Variants in AGO2 observed in about 807,000 individuals in gnomAD.
AGO2 encodes the protein argonaute RISC catalytic component 2.
Under a neutral mutation model 102.3 loss-of-function variants are expected in AGO2, and 5 were observed. That is an observed-to-expected ratio of 0.05 (90% confidence interval 0.03 to 0.10). The LOEUF is 0.10. Ranked by LOEUF, AGO2 falls within the 10% of genes least tolerant of loss-of-function variation. The pLI, the probability that AGO2 is intolerant of heterozygous loss-of-function variation, is 1.00. For synonymous variants in AGO2, 449 were observed against 473.1 expected, an observed-to-expected ratio of 0.95 and a Z score of 0.66; for missense variants, 541 against 1,183.7, an observed-to-expected ratio of 0.46 and a Z score of 7.97.
At position 140,525,401 on chromosome 8, in the gene AGO2, T is replaced by C. The variant is rs1009027197; in HGVS notation, c.*6643A>G. The C allele has an allele frequency of 6.6e-6, 1 of 152,302 alleles. No individual in the cohort carries two copies. The highest frequency in any genetic ancestry group is 1.5e-5 in the Non-Finnish European group (1 of 68,132). 9.4% of individuals were successfully genotyped at this position (152,302 alleles called of 1,614,324 possible). A position where few individuals can be genotyped will look rare whatever the true frequency, so the allele number is the denominator to read the frequency against. ...CAGCCCAGCGGACCCAAGCAGCCTGTACCCTGGGCCGGCAGGCAGTGGGAC... is the reference window on the plus strand; with the variant it reads ...CAGCCCAGCGGACCCAAGCAGCCTGCACCCTGGGCCGGCAGGCAGTGGGAC... On this transcript the variant is annotated 3_prime_UTR_variant, in exon 19 of 19. Coordinates refer to ENST00000220592, the MANE Select transcript of AGO2 (RefSeq NM_012154.5).
At chr8:140,553,330 G>A (rs1457978563) in intron 10 of AGO2, among the ~76,000 whole-genome samples, 5 of 152,102 alleles carry the variant, frequency 3.3e-5, no homozygotes, top group Non-Finnish European at 7.4e-5. Flanking sequence ...GCTGTAGTGA[G>A]CTATGACCGC....
At chr8:140,559,712 G>A (rs2073164940) in intron 5 of AGO2, among the ~76,000 whole-genome samples, 183 bp from the exon 6 acceptor site, 1 of 152,316 alleles carries the variant, frequency 6.6e-6, no homozygotes, top group African/African-American at 2.4e-5. Context: ...ACAAGCCCAG[G>A]CCCTAGCTGC....
chr8:140,625,507 G>C (rs6578126), intron 1 of AGO2, among the ~76,000 whole-genome samples: 1 of 151,842 alleles, frequency 6.6e-6, no homozygotes, highest in Non-Finnish European at 1.5e-5. Context: ...TTCATCCCTC[G>C]TATCCAGGGG....
At chr8:140,532,695 A>G (rs1286543584) in intron 17 of AGO2, 80 bp from the exon 18 acceptor site, 6 of 1,412,348 alleles carry the variant, frequency 4.2e-6, no homozygotes, top group South Asian at 1.2e-5. Context: ...TTATATTTGT[A>G]TTATTAAAAA....
At position 140,526,010 on chromosome 8, in the gene AGO2, A is replaced by G. The variant is rs2072498827; in HGVS notation, c.*6034T>C. 1 of 152,160 alleles carries G rather than the reference A, an allele frequency of 6.6e-6. No homozygotes were observed. The highest frequency in any genetic ancestry group is 1.5e-5 in the Non-Finnish European group (1 of 68,026). 9.4% of individuals were successfully genotyped at this position (152,160 alleles called of 1,614,324 possible). A position where few individuals can be genotyped will look rare whatever the true frequency, so the allele number is the denominator to read the frequency against. On this transcript the variant is annotated 3_prime_UTR_variant, in exon 19 of 19. Transcript: ENST00000220592. The surrounding 1 kb of genome is among the most constrained non-coding windows in gnomAD (Gnocchi z 5.2). ...GTTCTTTTCAAACAAAGGGCCCTGGATTTGAACAGAATGCTTTGCTTTCAA... is the reference window on the plus strand; with the variant it reads ...GTTCTTTTCAAACAAAGGGCCCTGGGTTTGAACAGAATGCTTTGCTTTCAA...
chr8:140,525,074 A>C lies in AGO2; in HGVS notation c.*6970T>G, dbSNP rs148611932. On this transcript the variant is annotated 3_prime_UTR_variant, in exon 19 of 19. Coordinates refer to ENST00000220592, the MANE Select transcript of AGO2 (RefSeq NM_012154.5). The stretch of plus-strand genomic sequence containing the variant: ...GGGCTGGGGGCTGAGGTGAGGACTT[A>C]ACCCTTTAATCATACCACCCACAGC... 3.2e-4 allele frequency: 49 copies of C among 152,346 alleles called. No individual in the cohort carries two copies. The highest frequency in any genetic ancestry group is 1.1e-3 in the African/African-American group (46 of 41,580). The allele number at this position is 152,346 out of a possible 1,614,324, so 9.4% of individuals were successfully genotyped here. A position where few individuals can be genotyped will look rare whatever the true frequency, so the allele number is the denominator to read the frequency against.
At chr8:140,564,308 G>A (rs1014011607) in intron 3 of AGO2, among the ~76,000 whole-genome samples, 2 of 147,950 alleles carry the variant, frequency 1.4e-5, no homozygotes, top group African/African-American at 2.5e-5. Flanking sequence ...GTGGGGGGAC[G>A]CAATCAAGGC....
chr8:140,562,709 G>A, intron 3 of AGO2, 75 bp from the exon 4 acceptor site: 1 of 1,539,094 alleles, frequency 6.5e-7, no homozygotes, highest in Non-Finnish European at 8.8e-7. Context: ...GCAGTGGTTG[G>A]CTTCCAGACA....
chr8:140,624,613 G>C (rs1243192029), intron 1 of AGO2, among the ~76,000 whole-genome samples: 1 of 152,252 alleles, frequency 6.6e-6, no homozygotes, highest in East Asian at 1.9e-4. Context: ...GGAGGCTCTG[G>C]TCCTCGCATT....
rs529153641 is a variant in AGO2, at chr8:140,627,203, A to G, written c.22+8282T>C. ...GGTCCCACGGGAGGATCCTTTCACT[A>G]TCAAAGCCAAAAAGAAACAGGGCAA... On this transcript the variant is annotated intron_variant, in intron 1 of 18. Transcript: ENST00000220592. 4.9e-4 allele frequency among the ~76,000 whole-genome samples: 75 copies of G among 152,340 alleles called. No individual in the cohort carries two copies. The South Asian group carries it at 0.014, about 29-fold the overall frequency.
chr8:140,591,732 A>T (rs2073749837), intron 1 of AGO2: 1 of 152,260 alleles, frequency 6.6e-6, no homozygotes, highest in African/African-American at 2.4e-5. Flanking sequence ...TTTACGAAGA[A>T]AACTTTTCCC....
chr8:140,603,195 C>T (rs534746283), intron 1 of AGO2, among the ~76,000 whole-genome samples: 1 of 152,234 alleles, frequency 6.6e-6, no homozygotes, highest in Admixed American at 6.5e-5. Context: ...CTAATCTGGC[C>T]CTGTGGACCC....
At chr8:140,636,264 A>G (rs1329731714), upstream of AGO2, 1 of 152,218 alleles carries the variant, frequency 6.6e-6, no homozygotes, top group Non-Finnish European at 1.5e-5. Context: ...CGTTTAAAGC[A>G]CTGAGAAAAT....
chr8:140,580,039 C>T (rs1408094169), intron 2 of AGO2, among the ~76,000 whole-genome samples: 2 of 152,276 alleles, frequency 1.3e-5, no homozygotes, highest in Non-Finnish European at 2.9e-5. Context: ...CCGTGCTTCT[C>T]GGAACAGAGC....
chr8:140,592,960 G>A (rs1353474670), intron 1 of AGO2: 3 of 152,356 alleles, frequency 2.0e-5, no homozygotes, highest in African/African-American at 7.2e-5. Context: ...AGGGCACCTG[G>A]GCAGCAGACC....
At chr8:140,626,239 C>G (rs988095924) in intron 1 of AGO2, among the ~76,000 whole-genome samples, 3 of 152,234 alleles carry the variant, frequency 2.0e-5, no homozygotes, top group African/African-American at 7.2e-5. Context: ...CTGAGCGACA[C>G]AGGCCATCTT....
At position 140,525,958 on chromosome 8, in the gene AGO2, C is replaced by A. The variant is rs1032495970; in HGVS notation, c.*6086G>T. ...ACTGCGCCACTAGTGGGAACTTCTACTTCAAAACACCAGCTGTGGGCCCTG... is the reference window on the plus strand; with the variant it reads ...ACTGCGCCACTAGTGGGAACTTCTAATTCAAAACACCAGCTGTGGGCCCTG... On this transcript the variant is annotated 3_prime_UTR_variant, in exon 19 of 19. Coordinates refer to ENST00000220592, the MANE Select transcript of AGO2 (RefSeq NM_012154.5). 4 of 152,204 alleles carry A rather than the reference C, an allele frequency of 2.6e-5. No individual in the cohort carries two copies. Among genetic ancestry groups the A allele is most frequent in the Admixed American group, 2.0e-4 (3 of 15,284 alleles). The allele number at this position is 152,204 out of a possible 1,614,324, so 9.4% of individuals were successfully genotyped here.
chr8:140,624,379 C>A (rs768185539), intron 1 of AGO2, among the ~76,000 whole-genome samples: 1 of 152,250 alleles, frequency 6.6e-6, no homozygotes, highest in Non-Finnish European at 1.5e-5. Flanking sequence ...AGCCGGCGTG[C>A]GTGGCAGTGA....
At chr8:140,594,540 C>G (rs2073793168) in intron 1 of AGO2, among the ~76,000 whole-genome samples, 1 of 152,032 alleles carries the variant, frequency 6.6e-6, no homozygotes, top group African/African-American at 2.4e-5. Context: ...GTAATCTCAG[C>G]ACTTTGGGAG....
Sources: gnomAD v4.1 joint callset for allele counts (sites outside exome capture counted in the v4.1 genomes callset) on GRCh38, gnomAD v4.1.1 for gene constraint, Gnocchi (gnomAD v3.1) non-coding constraint, MANE v1.5 for transcripts, NCBI Gene and HGNC (gene_info 2026-07-23, HGNC 2026-07-21) for gene names.